DBNDD1: variants seen among roughly 807,000 people sequenced by gnomAD.
DBNDD1 encodes the protein dysbindin domain containing 1.
In DBNDD1, 14 loss-of-function variants were observed where a neutral mutation model predicts 17.0. That is an observed-to-expected ratio of 0.82 (90% CI 0.54 to 1.29). The LOEUF is 1.29. Among genes scored for constraint, DBNDD1 ranks in the 50% most tolerant of loss-of-function variants. The pLI is 0.00. For missense variants in DBNDD1, 221 were observed against 216.2 expected, an observed-to-expected ratio of 1.02 and a Z score of -0.14; for synonymous variants, 105 against 102.0, an observed-to-expected ratio of 1.03 and a Z score of -0.18.
chr16:90,010,531 C>A (rs1482859641), intron 1 of DBNDD1, among the ~76,000 whole-genome samples: 1 of 149,006 alleles, frequency 6.7e-6, no homozygotes, highest in East Asian at 2.0e-4. Context: ...CCACACCCAG[C>A]TAATTTTTTT....
At chr16:90,016,426 G>A (rs944847677) in intron 1 of DBNDD1, among the ~76,000 whole-genome samples, 4 of 152,196 alleles carry the variant, frequency 2.6e-5, no homozygotes, top group African/African-American at 9.6e-5. Context: ...GGGGGCGGGT[G>A]CTGGCAGCCC....
intron 1 of DBNDD1, among the ~76,000 whole-genome samples, chr16:90,016,005 T>C (rs1007951990): frequency 1.3e-5 from 2 of 152,166 alleles, no homozygotes; most frequent in African/African-American, 4.8e-5. Flanking sequence ...GTGAATAATA[T>C]CTCAATTTAA....
intron 1 of DBNDD1, among the ~76,000 whole-genome samples, chr16:90,013,262 TA>T (rs59831191): frequency 0.23 from 11,513 of 49,126 alleles, 2,774 homozygotes; most frequent in East Asian, 0.74. Context: ...AACCTTGCCT[TA>T]AAAAAAAAAA....
rs77900127 is a variant in DBNDD1, at chr16:90,008,852, G to T, written c.251C>A (p.Ser84Ter). The stretch of plus-strand genomic sequence containing the variant: ...AAAGACCTCGGCCAGCTCCTGGTCC[G>T]ACATGTCGGTGAGCTCAGTGAGGTC... ...LLDLTELTDM[S>*]DQELAEVFAD... Residue 84 changes from serine to a stop codon, truncating the protein, a stop_gained, in exon 3 of 4, where the codon TCG (serine) becomes TAG (stop). Transcript: ENST00000002501. LOFTEE classifies it high-confidence loss of function. 13 of 1,603,530 alleles carry T rather than the reference G, an allele frequency of 8.1e-6. No individual in the cohort carries two copies. The highest frequency in any genetic ancestry group is 1.0e-5 in the Non-Finnish European group (12 of 1,173,512).
rs59831191 is a variant in DBNDD1 at position 90,013,262 on chromosome 16, T to TAAAAAAAAAAAAAA, written c.32-3846_32-3833dup. ...TGAGCAACAGAGCGAAACCTTGCCT[T>TAAAAAAAAAAAAAA]AAAAAAAAAAAAAAAAAAAAAGACA... On this transcript the variant is annotated intron_variant, in intron 1 of 3. Transcript: ENST00000002501. Among the ~76,000 whole-genome samples the TAAAAAAAAAAAAAA allele has an allele frequency of 3.3e-4, 16 of 49,150 alleles. 3 individuals are homozygous for TAAAAAAAAAAAAAA. Among genetic ancestry groups the TAAAAAAAAAAAAAA allele is most frequent in the Admixed American group, 6.8e-4 (3 of 4,402 alleles). 32.2% of individuals were successfully genotyped at this position (49,150 alleles called of 152,430 possible).
At chr16:90,016,145 A>G (rs1438281136) in intron 1 of DBNDD1, among the ~76,000 whole-genome samples, 1 of 152,184 alleles carries the variant, frequency 6.6e-6, no homozygotes, top group Non-Finnish European at 1.5e-5. Flanking sequence ...GCCCCAGAGC[A>G]GGCTGGGACT....
intron 1 of DBNDD1, among the ~76,000 whole-genome samples, chr16:90,014,864 G>A (rs897106478): frequency 2.0e-5 from 3 of 152,100 alleles, no homozygotes; most frequent in African/African-American, 7.2e-5. Context: ...AAATTAGCCG[G>A]TGTGGTGGTA....
upstream of DBNDD1, chr16:90,019,708 C>T: frequency 1.7e-6 from 1 of 589,278 alleles, no homozygotes; most frequent in Non-Finnish European, 3.0e-6. The surrounding 1 kb of genome is among the most constrained non-coding windows in gnomAD (Gnocchi z 6.1). Flanking sequence ...GCCGGGCGTC[C>T]GGGGCTCCTG....
intron 1 of DBNDD1, among the ~76,000 whole-genome samples, chr16:90,014,219 T>C (rs896821238): frequency 1.3e-5 from 2 of 151,936 alleles, no homozygotes; most frequent in Non-Finnish European, 2.9e-5. Context: ...CTCCACCTCC[T>C]GGGTTCAAGG....
chr16:90,012,854 G>C (rs1274069295), intron 1 of DBNDD1, among the ~76,000 whole-genome samples: 2 of 152,078 alleles, frequency 1.3e-5, no homozygotes, highest in East Asian at 1.9e-4. Flanking sequence ...GGGCTCAAGC[G>C]ATCCTCCCAC....
chr16:90,009,102 G>T, intron 2 of DBNDD1, 178 bp from the exon 3 acceptor site: 2 of 1,200,996 alleles, frequency 1.7e-6, no homozygotes, highest in Non-Finnish European at 2.3e-6. Flanking sequence ...TGACTAGAAG[G>T]CTTTCACTTG....
chr16:90,012,398 C>G (rs1198887061), intron 1 of DBNDD1, among the ~76,000 whole-genome samples: 3 of 152,060 alleles, frequency 2.0e-5, no homozygotes, highest in Non-Finnish European at 4.4e-5. Context: ...GTGTAGCTGT[C>G]AGCTCCACCT....
In DBNDD1 at chr16:90,019,353, G is replaced by T; in HGVS notation, c.-12C>A. On this transcript the variant is annotated 5_prime_UTR_variant, in exon 1 of 4. Transcript: ENST00000002501. This position sits in a 1 kb window ranked among gnomAD's most constrained non-coding sequence, Gnocchi z 6.1. The stretch of plus-strand genomic sequence containing the variant: ...TCCGGGGGCTCCATGCGGCCGGTGC[G>T]GTCTGGGAGGGGCACGGGCGACGGC... 1 of 1,216,146 alleles carries T rather than the reference G, an allele frequency of 8.2e-7. No individual in the cohort carries two copies. Among genetic ancestry groups the T allele is most frequent in the Non-Finnish European group, 1.0e-6 (1 of 977,612 alleles). 75.3% of individuals were successfully genotyped at this position (1,216,146 alleles called of 1,614,324 possible).
chr16:90,010,534 ATTTT>A lies in DBNDD1; in HGVS notation c.32-1108_32-1105del, dbSNP rs778294927. On this transcript the variant is annotated intron_variant, in intron 1 of 3. Transcript: ENST00000002501. ...AGGTGCCCGCCACCACACCCAGCTA[ATTTT>A]TTTTTTTTTTTTTTGTATTTTTACT... Among the ~76,000 whole-genome samples the A allele has an allele frequency of 5.4e-5, 7 of 128,908 alleles. No homozygotes were observed. In the South Asian group the frequency reaches 1.7e-3, roughly 32 times the overall value. The allele number at this position is 128,908 out of a possible 152,430, so 84.6% of individuals were successfully genotyped here. A position where few individuals can be genotyped will look rare whatever the true frequency, so the allele number is the denominator to read the frequency against.
rs1158495046 is a variant in DBNDD1, at chr16:90,019,347, C to G, written c.-6G>C. Reference sequence around the variant, plus strand: ...GCGCCCTCCGGGGGCTCCATGCGGCCGGTGCGGTCTGGGAGGGGCACGGGC... The same window carrying G: ...GCGCCCTCCGGGGGCTCCATGCGGCGGGTGCGGTCTGGGAGGGGCACGGGC... On this transcript the variant is annotated 5_prime_UTR_variant, in exon 1 of 4. Transcript: ENST00000002501. The surrounding 1 kb of genome is among the most constrained non-coding windows in gnomAD (Gnocchi z 6.1). 11 of 1,184,668 alleles carry G rather than the reference C, an allele frequency of 9.3e-6. No homozygotes were observed. In the Admixed American group the frequency reaches 4.9e-4, roughly 53 times the overall value. 73.4% of individuals were successfully genotyped at this position (1,184,668 alleles called of 1,614,324 possible).
intron 1 of DBNDD1, among the ~76,000 whole-genome samples, chr16:90,018,622 A>AG (rs986439504): frequency 1.3e-5 from 2 of 152,212 alleles, no homozygotes; most frequent in Non-Finnish European, 2.9e-5. Context: ...CTGATCGGGA[A>AG]GGGGGGAGGT....
chr16:90,009,636 T>G (rs1391390167), intron 1 of DBNDD1: 2 of 728,510 alleles, frequency 2.7e-6, no homozygotes, highest in South Asian at 3.7e-5. Context: ...CTCCTTCCCC[T>G]TGGGCCCTGG....
chr16:90,012,551 C>T (rs1005315471), intron 1 of DBNDD1, among the ~76,000 whole-genome samples: 2 of 151,268 alleles, frequency 1.3e-5, no homozygotes, highest in African/African-American at 4.9e-5. Flanking sequence ...CCTCCGCCTC[C>T]TGGGTTCAAG....
At chr16:90,010,030 C>G (rs1012430138) in intron 1 of DBNDD1, 2 of 1,614,030 alleles carry the variant, frequency 1.2e-6, no homozygotes, top group African/African-American at 1.3e-5. Context: ...AGCAAATATT[C>G]TTCCAGGTTT....
Sources: gnomAD v4.1 joint callset for allele counts (sites outside exome capture counted in the v4.1 genomes callset) on GRCh38, gnomAD v4.1.1 for gene constraint, Gnocchi (gnomAD v3.1) non-coding constraint, MANE v1.5 for transcripts, NCBI Gene and HGNC (gene_info 2026-07-23, HGNC 2026-07-21) for gene names.